Variants in TPD52 observed in about 807,000 individuals in gnomAD.
TPD52 encodes prostate and colon associated protein.
Under a neutral mutation model 31.3 loss-of-function variants are expected in TPD52, and 17 were observed. That is an observed-to-expected ratio of 0.54 (90% CI 0.37 to 0.82). The LOEUF (loss-of-function observed/expected upper bound fraction) is 0.82. Among genes scored for constraint, TPD52 ranks in the 40% least tolerant of loss-of-function variants. TPD52 has a pLI of 0.00. For missense variants in TPD52, 212 were observed against 240.1 expected (o/e 0.88, Z 0.77); for synonymous variants, 83 against 89.6 (o/e 0.93, Z 0.42).
At chr8:80,160,109 T>C (rs1353422104) in intron 1 of TPD52, among the ~76,000 whole-genome samples, 1 of 151,972 alleles carries the variant, frequency 6.6e-6, no homozygotes, top group East Asian at 1.9e-4. Flanking sequence ...GAAGATTGCT[T>C]GAGCCCATAA....
intron 1 of TPD52, among the ~76,000 whole-genome samples, chr8:80,074,262 G>A (rs1312115780): frequency 6.6e-6 from 1 of 152,158 alleles, no homozygotes; most frequent in Non-Finnish European, 1.5e-5. Flanking sequence ...AAACCTAGAG[G>A]CATAAAAAGA....
chr8:80,060,405 A>C (rs1812388932), intron 2 of TPD52, among the ~76,000 whole-genome samples: 1 of 152,100 alleles, frequency 6.6e-6, no homozygotes. Flanking sequence ...GTGTAAAAGT[A>C]GATAGCTTCA....
chr8:80,156,262 C>G (rs1810967485), intron 1 of TPD52, among the ~76,000 whole-genome samples: 1 of 152,200 alleles, frequency 6.6e-6, no homozygotes, highest in African/African-American at 2.4e-5. Context: ...AGCATGCAGA[C>G]TCAGGGTGTC....
intron 5 of TPD52, among the ~76,000 whole-genome samples, chr8:80,044,493 G>A (rs1381176469): frequency 6.6e-6 from 1 of 152,154 alleles, no homozygotes; most frequent in Non-Finnish European, 1.5e-5. Flanking sequence ...AGGCATATAG[G>A]TGTTAAATGA....
chr8:80,131,685 C>A (rs1433739857), intron 1 of TPD52, among the ~76,000 whole-genome samples: 1 of 152,094 alleles, frequency 6.6e-6, no homozygotes, highest in Admixed American at 6.5e-5. Flanking sequence ...ACCTTAGGAC[C>A]AGATACCCTA....
intron 1 of TPD52, among the ~76,000 whole-genome samples, chr8:80,077,078 C>T: frequency 6.6e-6 from 1 of 151,948 alleles, no homozygotes; most frequent in Non-Finnish European, 1.5e-5. Flanking sequence ...AGTTCAAGAC[C>T]AGCCTCGCCA....
chr8:80,149,002 A>G (rs561810404), intron 1 of TPD52, among the ~76,000 whole-genome samples: 3 of 152,320 alleles, frequency 2.0e-5, no homozygotes, highest in African/African-American at 7.2e-5. Context: ...AGTTATTTAC[A>G]CAGAGAAGAT....
intron 1 of TPD52, chr8:80,080,264 A>T (rs1815099410): frequency 6.4e-7 from 1 of 1,564,058 alleles, no homozygotes. Flanking sequence ...ACCCCAAGTT[A>T]TGTCTAGGTT....
Position 80,035,408 on chromosome 8 carries a change from C to A in TPD52, c.*2708G>T, listed in dbSNP as rs1246956168. 2 of 152,198 alleles carry A rather than the reference C, an allele frequency of 1.3e-5. No homozygotes were observed. The highest frequency in any genetic ancestry group is 6.5e-5 in the Admixed American group (1 of 15,286). 9.4% of individuals were successfully genotyped at this position (152,198 alleles called of 1,614,324 possible). Reference sequence around the variant, plus strand: ...ATAGGCAGAATGTAGCTGCTCATGGCTCTTTAAGTATCATATCCAGAATAT... The same window carrying A: ...ATAGGCAGAATGTAGCTGCTCATGGATCTTTAAGTATCATATCCAGAATAT... On this transcript the variant is annotated 3_prime_UTR_variant, in exon 8 of 8. Coordinates refer to ENST00000518937, the MANE Select transcript of TPD52 (RefSeq NM_001025253.3).
At chr8:80,086,382 G>C (rs1815771085) in intron 1 of TPD52, among the ~76,000 whole-genome samples, 1 of 151,788 alleles carries the variant, frequency 6.6e-6, no homozygotes, top group Admixed American at 6.6e-5. Context: ...CCCCCAAGGT[G>C]CTGGGATTAC....
intron 1 of TPD52, among the ~76,000 whole-genome samples, chr8:80,106,598 C>T (rs1807132880): frequency 6.6e-6 from 1 of 151,786 alleles, no homozygotes; most frequent in Non-Finnish European, 1.5e-5. Context: ...CCTCATGACC[C>T]ACCCGCTTCG....
intron 1 of TPD52, among the ~76,000 whole-genome samples, chr8:80,155,546 T>C (rs1364730278): frequency 6.6e-6 from 1 of 151,808 alleles, no homozygotes; most frequent in Non-Finnish European, 1.5e-5. Context: ...AAAGGAAAAG[T>C]AGAGAAAATC....
chr8:80,127,551 T>TTTTTCACATCCTG (rs1370410029), intron 1 of TPD52: 1 of 152,042 alleles, frequency 6.6e-6, no homozygotes, highest in Non-Finnish European at 1.5e-5. Flanking sequence ...TCGAATTCTG[T>TTTTTCACATCCTG]TTTTCACATC....
At chr8:80,046,264 T>C (rs2130453372) in intron 5 of TPD52, among the ~76,000 whole-genome samples, 1 of 152,352 alleles carries the variant, frequency 6.6e-6, no homozygotes, top group Middle Eastern at 3.4e-3. Context: ...AAGATAAATA[T>C]ACCCATTAAA....
chr8:80,042,362 C>G (rs1810472958), intron 7 of TPD52: 2 of 985,314 alleles, frequency 2.0e-6, no homozygotes, highest in Non-Finnish European at 2.4e-6. Flanking sequence ...AAAAGCAGCA[C>G]AAATTTCTAA....
chr8:80,148,747 G>C (rs1810375744), intron 1 of TPD52, among the ~76,000 whole-genome samples: 1 of 152,044 alleles, frequency 6.6e-6, no homozygotes, highest in African/African-American at 2.4e-5. Flanking sequence ...TGGATTCTAG[G>C]AGGTCATCAT....
intron 1 of TPD52, among the ~76,000 whole-genome samples, chr8:80,096,458 C>T (rs1219792679): frequency 6.6e-6 from 1 of 152,048 alleles, no homozygotes; most frequent in Admixed American, 6.6e-5. Flanking sequence ...TGTTTTACTG[C>T]ACTCCACTTC....
At position 80,036,107 on chromosome 8, in the gene TPD52, A is replaced by AC. The variant is rs1348331529; in HGVS notation, c.*2008dup. 6.6e-6 allele frequency: 1 copy of AC among 151,910 alleles called. No individual in the cohort carries two copies. Among genetic ancestry groups the AC allele is most frequent in the East Asian group, 1.9e-4 (1 of 5,188 alleles). 9.4% of individuals were successfully genotyped at this position (151,910 alleles called of 1,614,324 possible). On this transcript the variant is annotated 3_prime_UTR_variant, in exon 8 of 8. Transcript: ENST00000518937. ...TTCTCCATTATTTTCTTTCACAGCCACCCCCAATACCCACCTTCATCCACT... is the reference window on the plus strand; with the variant it reads ...TTCTCCATTATTTTCTTTCACAGCCACCCCCCAATACCCACCTTCATCCACT...
chr8:80,169,434 A>G (rs1364033131), intron 1 of TPD52, among the ~76,000 whole-genome samples: 3 of 152,248 alleles, frequency 2.0e-5, no homozygotes, highest in Non-Finnish European at 2.9e-5. Context: ...CTTACAAGAT[A>G]AAGATTTGAA....
Sources: allele counts gnomAD v4.1 joint callset (sites outside exome capture counted in the v4.1 genomes callset), GRCh38; gene constraint gnomAD v4.1.1; transcripts MANE v1.5; gene names NCBI Gene and HGNC (gene_info 2026-07-23, HGNC 2026-07-21).